The following TASP1 variants were observed in gnomAD, a reference collection of about 807,000 sequenced individuals.
The protein encoded by TASP1 is taspase 1, also known as threonine aspartase 1.
TASP1 carries 16 observed loss-of-function variants against 56.6 expected under a neutral mutation model. That is an observed-to-expected ratio of 0.28 (90% CI 0.19 to 0.43). The LOEUF (loss-of-function observed/expected upper bound fraction) is 0.43. Ranked by LOEUF, TASP1 falls within the 20% of genes least tolerant of loss-of-function variation. TASP1 has a pLI of 1.00. For missense variants in TASP1, 393 were observed against 511.6 expected (o/e 0.77, Z 2.24); for synonymous variants, 179 against 184.2 (o/e 0.97, Z 0.23).
chr20:13,431,045 C>A (rs1423599055), intron 12 of TASP1, among the ~76,000 whole-genome samples: 4 of 151,682 alleles, frequency 2.6e-5, no homozygotes, highest in African/African-American at 9.7e-5. Context: ...AAAGTGGACA[C>A]AGAAAAGGCT....
At chr20:13,456,803 A>G (rs1474931067) in intron 11 of TASP1, among the ~76,000 whole-genome samples, 1 of 152,118 alleles carries the variant, frequency 6.6e-6, no homozygotes, top group Non-Finnish European at 1.5e-5. Flanking sequence ...TAAAATAATA[A>G]AATAAAATAA....
At chr20:13,559,186 T>A (rs1001349047) in intron 7 of TASP1, 72 bp from the exon 8 acceptor site, 11 of 941,088 alleles carry the variant, frequency 1.2e-5, no homozygotes, top group Non-Finnish European at 1.6e-5. Flanking sequence ...AAATAAGATA[T>A]CTGAAGAGCC....
intron 13 of TASP1, among the ~76,000 whole-genome samples, chr20:13,398,729 T>A (rs571119332): frequency 3.3e-5 from 5 of 152,316 alleles, no homozygotes; most frequent in Non-Finnish European, 7.3e-5. Flanking sequence ...TTTCTTCCAC[T>A]CATTTTAAAG....
intron 11 of TASP1, among the ~76,000 whole-genome samples, chr20:13,462,096 T>C (rs1285454380): frequency 6.6e-6 from 1 of 152,004 alleles, no homozygotes; most frequent in African/African-American, 2.4e-5. Flanking sequence ...CATCTTATTA[T>C]GAGAAAAAAA....
At chr20:13,393,704 C>T in intron 13 of TASP1, 2 of 1,109,776 alleles carry the variant, frequency 1.8e-6, no homozygotes, top group Non-Finnish European at 2.7e-6. Context: ...CCAGCGACAG[C>T]ATGAAAGGAA....
At chr20:13,270,188 T>C in the TASP1 span, among the ~76,000 whole-genome samples, 3 of 152,226 alleles carry the variant, frequency 2.0e-5, no homozygotes, top group African/African-American at 7.2e-5. Context: ...ATAATTTGGT[T>C]CCAGCTCTAA....
the TASP1 span, among the ~76,000 whole-genome samples, chr20:13,215,499 G>C: frequency 6.6e-6 from 1 of 152,164 alleles, no homozygotes; most frequent in African/African-American, 2.4e-5. Context: ...GAACTATAAG[G>C]GTTGGCTATT....
chr20:13,200,615 T>A, the TASP1 span, among the ~76,000 whole-genome samples: 1 of 152,188 alleles, frequency 6.6e-6, no homozygotes, highest in East Asian at 1.9e-4. Flanking sequence ...TAAATCCACT[T>A]GACTTAATTT....
At chr20:13,432,095 A>C (rs2042829970) in intron 12 of TASP1, among the ~76,000 whole-genome samples, 1 of 152,218 alleles carries the variant, frequency 6.6e-6, no homozygotes, top group East Asian at 1.9e-4. Context: ...ACTTTCCTCA[A>C]CTTATATAGT....
chr20:13,461,034 T>C (rs1469025863), intron 11 of TASP1, among the ~76,000 whole-genome samples: 4 of 152,170 alleles, frequency 2.6e-5, no homozygotes, highest in Non-Finnish European at 5.9e-5. Context: ...GTAACCATCC[T>C]TCCCCTTGCT....
chr20:13,510,668 A>G (rs1196962150), intron 10 of TASP1, among the ~76,000 whole-genome samples: 3 of 152,110 alleles, frequency 2.0e-5, no homozygotes, highest in African/African-American at 7.2e-5. Context: ...CTTCCTTCTC[A>G]CATTATTCTA....
At chr20:13,496,479 C>A (rs1434191201) in intron 10 of TASP1, among the ~76,000 whole-genome samples, 2 of 133,546 alleles carry the variant, frequency 1.5e-5, no homozygotes, top group African/African-American at 5.3e-5. Flanking sequence ...AATCACATTT[C>A]CTACTTAAAA....
chr20:13,221,167 G>A, the TASP1 span, among the ~76,000 whole-genome samples: 2 of 151,836 alleles, frequency 1.3e-5, no homozygotes, highest in Non-Finnish European at 1.5e-5. Flanking sequence ...GGGCGGCGAG[G>A]GCGGGGGCGC....
chr20:13,352,218 G>A, the TASP1 span, among the ~76,000 whole-genome samples: 1 of 152,166 alleles, frequency 6.6e-6, no homozygotes, highest in Non-Finnish European at 1.5e-5. Flanking sequence ...GGGAGGCCAA[G>A]GTGGGTGGAT....
chr20:13,327,785 C>T, the TASP1 span, among the ~76,000 whole-genome samples: 15 of 152,212 alleles, frequency 9.9e-5, no homozygotes, highest in East Asian at 3.9e-4. Flanking sequence ...CCCTTCACTA[C>T]GCCATATACA....
chr20:13,151,585 G>T, the TASP1 span, among the ~76,000 whole-genome samples: 1 of 152,292 alleles, frequency 6.6e-6, no homozygotes, highest in South Asian at 2.1e-4. Context: ...GACAATTGGG[G>T]CATTTAGCAT....
At chr20:13,284,088 G>C in the TASP1 span, among the ~76,000 whole-genome samples, 1 of 152,194 alleles carries the variant, frequency 6.6e-6, no homozygotes, top group Non-Finnish European at 1.5e-5. Flanking sequence ...CCCATAAAAA[G>C]AGGATGTTTC....
intron 13 of TASP1, among the ~76,000 whole-genome samples, chr20:13,394,318 A>AAAAAAAAAAAAAAG (rs1568741093): frequency 6.8e-6 from 1 of 146,522 alleles, no homozygotes; most frequent in African/African-American, 2.6e-5. Flanking sequence ...AAAAAAAAAA[A>AAAAAAAAAAAAAAG]AAAAAAAAAA....
chr20:13,543,667 T>A (rs998934390), intron 8 of TASP1, among the ~76,000 whole-genome samples: 2 of 152,192 alleles, frequency 1.3e-5, no homozygotes, highest in Admixed American at 1.3e-4. Context: ...CAACCTCTAA[T>A]ACACACATTT....
Sources: allele counts gnomAD v4.1 joint callset (sites outside exome capture counted in the v4.1 genomes callset), GRCh38; gene constraint gnomAD v4.1.1; transcripts MANE v1.5; gene names NCBI Gene and HGNC (gene_info 2026-07-23, HGNC 2026-07-21).